Variants in ATRNL1 observed in about 807,000 individuals in gnomAD.
The protein encoded by ATRNL1 is attractin like 1.
ATRNL1 carries 95 observed loss-of-function variants against 182.7 expected under a neutral mutation model. That is an observed-to-expected ratio of 0.52 (90% CI 0.44 to 0.62). The LOEUF (loss-of-function observed/expected upper bound fraction) is 0.62. ATRNL1 is among the 20% of genes least tolerant of loss of function. The pLI is 0.00. For synonymous variants in ATRNL1, 576 were observed against 568.3 expected (o/e 1.01, Z -0.19); for missense variants, 1,471 against 1,679.5 (o/e 0.88, Z 2.17).
intron 19 of ATRNL1, among the ~76,000 whole-genome samples, chr10:115,346,764 A>G (rs1473215604): frequency 1.3e-5 from 2 of 152,148 alleles, no homozygotes; most frequent in Non-Finnish European, 2.9e-5. Context: ...AAAGTTCTAT[A>G]TATCTTCTAG....
intron 26 of ATRNL1, among the ~76,000 whole-genome samples, chr10:115,657,274 A>G (rs2133894681): frequency 6.6e-6 from 1 of 152,318 alleles, no homozygotes; most frequent in Middle Eastern, 3.4e-3. Context: ...AGATGCTTGC[A>G]TCTATTCATA....
intron 26 of ATRNL1, among the ~76,000 whole-genome samples, chr10:115,603,945 G>A (rs1170179127): frequency 6.6e-6 from 1 of 151,898 alleles, no homozygotes; most frequent in Non-Finnish European, 1.5e-5. Context: ...ACCTCTTGGA[G>A]GCCCTTAAAA....
At chr10:115,097,567 GGTT>G (rs1427954253) in intron 1 of ATRNL1, among the ~76,000 whole-genome samples, 8 of 152,084 alleles carry the variant, frequency 5.3e-5, no homozygotes, top group African/African-American at 1.9e-4. Flanking sequence ...TCAGGAATTA[GGTT>G]GTTATTATAG....
chr10:115,532,636 GC>G (rs1324846570), intron 25 of ATRNL1, among the ~76,000 whole-genome samples: 1 of 150,268 alleles, frequency 6.7e-6, no homozygotes, highest in East Asian at 2.0e-4. Flanking sequence ...CTGCCTAATT[GC>G]CCTGGCCAGA....
At chr10:115,429,552 T>C (rs11197210) in intron 21 of ATRNL1, among the ~76,000 whole-genome samples, 2,053 of 152,250 alleles carry the variant, frequency 0.013, 43 homozygotes, top group African/African-American at 0.047. Flanking sequence ...AATAACTTTC[T>C]TTTACCTTAT....
Position 115,852,653 on chromosome 10 carries a change from C to T in ATRNL1, c.4018+4662C>T, listed in dbSNP as rs111538009. On this transcript the variant is annotated intron_variant, in intron 28 of 28. Transcript: ENST00000355044. The stretch of plus-strand genomic sequence containing the variant: ...AACCCAGGGCCACTGGCTCCTCAGC[C>T]AGTGTGACTCTCCCTCATCACTGTG... Among the ~76,000 whole-genome samples the T allele has an allele frequency of 6.1e-3, 924 of 152,248 alleles. 8 individuals carry two copies. Among genetic ancestry groups the T allele is most frequent in the African/African-American group, 0.021 (878 of 41,552 alleles).
At chr10:115,303,962 C>A (rs1360885102) in intron 17 of ATRNL1, among the ~76,000 whole-genome samples, 1 of 152,146 alleles carries the variant, frequency 6.6e-6, no homozygotes, top group Non-Finnish European at 1.5e-5. Flanking sequence ...GGATCTTTAT[C>A]CCGATTCTAA....
At chr10:115,808,376 G>T (rs139273250) in intron 27 of ATRNL1, among the ~76,000 whole-genome samples, 1 of 152,194 alleles carries the variant, frequency 6.6e-6, no homozygotes, top group East Asian at 1.9e-4. Context: ...TTTATTATAA[G>T]TAAATAAAAT....
intron 17 of ATRNL1, 115 bp downstream of exon 17, chr10:115,302,158 T>G: frequency 9.6e-7 from 1 of 1,042,000 alleles, no homozygotes; most frequent in Middle Eastern, 2.6e-4. Context: ...AAAAATATTG[T>G]TACGGCTACT....
At chr10:115,187,020 A>G (rs1283892101) in intron 8 of ATRNL1, among the ~76,000 whole-genome samples, 1 of 152,140 alleles carries the variant, frequency 6.6e-6, no homozygotes, top group Admixed American at 6.6e-5. Flanking sequence ...CATGCTCAAT[A>G]TTACTAGTCA....
At chr10:115,657,208 A>G (rs1171714705) in intron 26 of ATRNL1, among the ~76,000 whole-genome samples, 1 of 152,172 alleles carries the variant, frequency 6.6e-6, no homozygotes, top group African/African-American at 2.4e-5. Flanking sequence ...ATAAATCAAT[A>G]TATATTTAAT....
rs1845299282 is a variant in ATRNL1, at chr10:115,132,518, A to G, written c.829+2983A>G. Among the ~76,000 whole-genome samples the G allele has an allele frequency of 2.0e-5, 3 of 152,274 alleles. No homozygotes were observed. The South Asian group carries it at 6.2e-4, about 32-fold the overall frequency. On this transcript the variant is annotated intron_variant, in intron 5 of 28. Transcript: ENST00000355044. ...GAGGAATTGCCACACTGTCTTCCAC[A>G]ATGGTTGAACTAGTTTACAGTCCCA... is the stretch of plus-strand genomic sequence containing the variant.
chr10:115,133,167 A>G (rs1592145156), intron 5 of ATRNL1, among the ~76,000 whole-genome samples: 1 of 152,212 alleles, frequency 6.6e-6, no homozygotes, highest in South Asian at 2.1e-4. Context: ...CAGTTTTCCC[A>G]GAACCATTTA....
At chr10:115,221,092 A>G (rs1761452387) in intron 9 of ATRNL1, among the ~76,000 whole-genome samples, 1 of 152,192 alleles carries the variant, frequency 6.6e-6, no homozygotes, top group African/African-American at 2.4e-5. Context: ...GCAGTTTACA[A>G]TAGGGTTTGC....
chr10:115,228,558 G>A (rs114537387), intron 9 of ATRNL1, among the ~76,000 whole-genome samples: 1,785 of 152,124 alleles, frequency 0.012, 31 homozygotes, highest in African/African-American at 0.04. Context: ...TGATAGTGGA[G>A]ACCTCAGATT....
In ATRNL1 at chr10:115,123,329, C is replaced by T. The variant is rs535585075; in HGVS notation, c.491+1517C>T. Among the ~76,000 whole-genome samples, 109 of 152,272 alleles carry T rather than the reference C, an allele frequency of 7.2e-4. 1 individual carries two copies. The highest frequency in any genetic ancestry group is 2.0e-3 in the African/African-American group (83 of 41,568). On this transcript the variant is annotated intron_variant, in intron 3 of 28. Transcript: ENST00000355044. ...ACTAAGTACTATTATCCCCATTTTA[C>T]AGTTGAGAAAATTGACATTCAGAGA...
intron 28 of ATRNL1, among the ~76,000 whole-genome samples, chr10:115,922,715 A>G (rs534442537): frequency 6.6e-6 from 1 of 152,238 alleles, no homozygotes; most frequent in Non-Finnish European, 1.5e-5. Flanking sequence ...GACTTTTCCA[A>G]TCTGACATAT....
In ATRNL1 at chr10:115,738,403, G is replaced by T. The variant is rs1465571476; in HGVS notation, c.3903+11048G>T. On this transcript the variant is annotated intron_variant, in intron 27 of 28. Transcript: ENST00000355044. ...AATCCACCTGCCTCGACCTCCCAAA[G>T]TGCTGGGATTACAGGCATGAGCTGC... Among the ~76,000 whole-genome samples, 4 of 151,870 alleles carry T rather than the reference G, an allele frequency of 2.6e-5. No individual in the cohort carries two copies. The East Asian group carries it at 7.8e-4, about 30-fold the overall frequency.
chr10:115,137,871 A>G (rs138764513), intron 5 of ATRNL1, among the ~76,000 whole-genome samples: 295 of 152,292 alleles, frequency 1.9e-3, no homozygotes, highest in African/African-American at 6.7e-3. Flanking sequence ...CATTAACTCT[A>G]AAGTCCTAAG....
Sources: gnomAD v4.1 joint callset for allele counts (sites outside exome capture counted in the v4.1 genomes callset) on GRCh38, gnomAD v4.1.1 for gene constraint, MANE v1.5 for transcripts, NCBI Gene and HGNC (gene_info 2026-07-23, HGNC 2026-07-21) for gene names.